Variants in ARHGAP33 observed in about 807,000 individuals in gnomAD.
ARHGAP33 encodes the protein Rho GTPase activating protein 33.
In ARHGAP33, 57 loss-of-function variants were observed where a neutral mutation model predicts 126.2. The observed-to-expected ratio is 0.45, with a 90% CI of 0.36 to 0.56. The LOEUF (loss-of-function observed/expected upper bound fraction) is 0.56. Ranked by LOEUF, ARHGAP33 falls within the 20% of genes least tolerant of loss-of-function variation. ARHGAP33 has a pLI of 0.00. For missense variants in ARHGAP33, 1,500 were observed against 1,748.3 expected, an observed-to-expected ratio of 0.86 and a Z score of 2.53; for synonymous variants, 711 against 755.0, an observed-to-expected ratio of 0.94 and a Z score of 0.95.
intron 12 of ARHGAP33, among the ~76,000 whole-genome samples, chr19:35,781,909 G>C (rs972475597): frequency 8.5e-5 from 13 of 152,154 alleles, no homozygotes; most frequent in African/African-American, 3.1e-4. Context: ...GAGGCTGAGA[G>C]GGGAGTGCTT....
chr19:35,775,990 C>CA (rs1971435262), intron 1 of ARHGAP33, among the ~76,000 whole-genome samples: 2 of 151,944 alleles, frequency 1.3e-5, no homozygotes, highest in African/African-American at 4.8e-5. Flanking sequence ...GGTCCTTCCC[C>CA]AGCTCCCATC....
chr19:35,777,252 A>G (rs760613853), intron 1 of ARHGAP33, among the ~76,000 whole-genome samples: 13 of 152,288 alleles, frequency 8.5e-5, no homozygotes, highest in Non-Finnish European at 1.5e-4. Context: ...GATCCAGGCT[A>G]TTGCGGAAAA....
chr19:35,785,173 C>A lies in ARHGAP33; in HGVS notation c.1722-16C>A. 6.3e-7 allele frequency: 1 copy of A among 1,574,930 alleles called. No individual in the cohort carries two copies. Among genetic ancestry groups the A allele is most frequent in the Non-Finnish European group, 8.6e-7 (1 of 1,156,258 alleles). The stretch of plus-strand genomic sequence containing the variant: ...TGGTTCCTCAGACGGCCTCCTGTTT[C>A]TCCCCCAAACCGCAGGAGGAAAGGG... On this transcript the variant is annotated splice_polypyrimidine_tract_variant and intron_variant, in intron 17 of 20. Transcript: ENST00000007510.
chr19:35,786,624 A>G lies in ARHGAP33; in HGVS notation c.2154A>G (p.Leu718=). ...GSPSHRTSAW[L]DDGDELDFSP... is the part of the protein sequence containing the mutation. ...CCTCACACCGTACCTCAGCCTGGCT[A>G]GATGATGGTGATGAGCTGGACTTCA... Residue 718 remains leucine (L), a synonymous_variant, in exon 20 of 21, where the codon CTA becomes CTG. Coordinates refer to ENST00000007510, the MANE Select transcript of ARHGAP33 (RefSeq NM_001366178.1). The surrounding 1 kb of genome is among the most constrained non-coding windows in gnomAD (Gnocchi z 7.0). 4.6e-6 allele frequency: 7 copies of G among 1,535,824 alleles called. No individual in the cohort carries two copies. The highest frequency in any genetic ancestry group is 6.1e-6 in the Non-Finnish European group (7 of 1,146,774).
chr19:35,784,044 C>A, intron 15 of ARHGAP33, 128 bp from the exon 16 acceptor site: 1 of 705,624 alleles, frequency 1.4e-6, no homozygotes, highest in Non-Finnish European at 2.3e-6. Flanking sequence ...CCCAGCGAGG[C>A]GTGATCAGTT....
Position 35,788,415 on chromosome 19 carries a change from C to G in ARHGAP33, c.3850C>G (p.Arg1284Gly), listed in dbSNP as rs28593619. Residue 1284 changes from arginine to glycine, a missense_variant, in exon 21 of 21, where the codon CGA (arginine) becomes GGA (glycine). This residue lies in a region of ARHGAP33 where 642 missense variants were observed against 634.0 expected (regional missense o/e 1.01). Transcript: ENST00000007510. Reference protein sequence around the residue: ...SWSLHSEGQTRSYC With the variant: ...SWSLHSEGQTGSYC ...GTCCCTCCACTCTGAGGGCCAGACC[C>G]GAAGCTACTGCTGAGCACCAGCTGG... 9.3e-5 allele frequency: 146 copies of G among 1,570,044 alleles called. 1 individual carries two copies. The highest frequency in any genetic ancestry group is 4.5e-4 in the East Asian group (19 of 42,574).
Position 35,775,618 on chromosome 19 carries a change from AG to A in ARHGAP33, c.-37del. 6.6e-7 allele frequency: 1 copy of A among 1,506,612 alleles called. No homozygotes were observed. The highest frequency in any genetic ancestry group is 2.2e-5 in the Admixed American group (1 of 45,416). The allele number at this position is 1,506,612 out of a possible 1,614,324, so 93.3% of individuals were successfully genotyped here. ...GCAGCGGCGACGAGAACGGCGAGCG[AG>A]GGGTCGAGCGCGGCCGGGGCCTGAG... is the stretch of plus-strand genomic sequence containing the variant. On this transcript the variant is annotated 5_prime_UTR_variant, in exon 1 of 21. An upstream open reading frame in the 5' UTR loses its in-frame stop. Transcript: ENST00000007510.
At chr19:35,777,981 T>G in intron 3 of ARHGAP33, 73 bp downstream of exon 3, 1 of 1,540,310 alleles carries the variant, frequency 6.5e-7, no homozygotes, top group African/African-American at 1.4e-5. Flanking sequence ...TATCAGGTGC[T>G]TTGCTTCTGA....
chr19:35,788,058 C>T lies in ARHGAP33; in HGVS notation c.3493C>T (p.Pro1165Ser). Residue 1165 changes from proline (P) to serine (S), a missense_variant, in exon 21 of 21, where the codon CCT (proline) becomes TCT (serine). Physicochemically the swap from Pro to Ser is moderately conservative, Grantham distance 74. Transcript: ENST00000007510. ...PQHPARRPTPPEPLYVNLALG... is the reference protein window; with the variant it reads ...PQHPARRPTPSEPLYVNLALG... ...GCACCCTGCTCGGCGCCCTACACCG[C>T]CTGAGCCCCTCTACGTCAACCTAGC... 6.2e-7 allele frequency: 1 copy of T among 1,611,710 alleles called. No individual in the cohort carries two copies. The highest frequency in any genetic ancestry group is 8.5e-7 in the Non-Finnish European group (1 of 1,179,216).
In ARHGAP33 at chr19:35,784,309, A is replaced by G; in HGVS notation, c.1559A>G (p.Asp520Gly). ...FSDTFTSAGL[D>G]PAGRCLLPRP... ...GACACCTTCACCTCCGCCGGCCTCG[A>G]CCCTGCAGGTATGCCCTCCCACCCC... The change falls in exon 16 of 21, where the codon GAC (aspartate) becomes GGC (glycine). Residue 520 changes from aspartate to glycine, a missense_variant. This residue lies in a region of ARHGAP33 where 300 missense variants were observed against 291.1 expected (regional missense o/e 1.03). Coordinates refer to ENST00000007510, the MANE Select transcript of ARHGAP33 (RefSeq NM_001366178.1). 1.9e-6 allele frequency: 3 copies of G among 1,577,142 alleles called. No individual in the cohort carries two copies. Among genetic ancestry groups the G allele is most frequent in the Non-Finnish European group, 2.6e-6 (3 of 1,159,914 alleles).
In ARHGAP33 at chr19:35,777,593, G is replaced by A. The variant is rs934001312; in HGVS notation, c.7-52G>A. 1.9e-5 allele frequency: 27 copies of A among 1,457,738 alleles called. 1 individual carries two copies. The highest frequency in any genetic ancestry group is 4.2e-5 in the African/African-American group (3 of 71,346). 90.3% of individuals were successfully genotyped at this position (1,457,738 alleles called of 1,614,324 possible). On this transcript the variant is annotated intron_variant, in intron 1 of 20. Coordinates refer to ENST00000007510, the MANE Select transcript of ARHGAP33 (RefSeq NM_001366178.1). ...CGCGCTGCCAGATAACAATGCTCTC[G>A]TTGTCTCTTTGCTCCCATCTCTGGG... is the stretch of plus-strand genomic sequence containing the variant.
Position 35,785,405 on chromosome 19 carries a change from G to T in ARHGAP33, c.1868-4G>T. 2 of 1,614,198 alleles carry T rather than the reference G, an allele frequency of 1.2e-6. No individual in the cohort carries two copies. The highest frequency in any genetic ancestry group is 1.7e-6 in the Non-Finnish European group (2 of 1,180,030). On this transcript the variant is annotated splice_polypyrimidine_tract_variant and splice_region_variant and intron_variant, in intron 18 of 20. Coordinates refer to ENST00000007510, the MANE Select transcript of ARHGAP33 (RefSeq NM_001366178.1). ...GTGCCCTCCTACCTCTCCCTCTCCT[G>T]CAGGCAGCAGACCCGACACCGTCAC...
intron 5 of ARHGAP33, 159 bp downstream of exon 5, chr19:35,778,760 T>G: frequency 8.8e-7 from 1 of 1,139,350 alleles, no homozygotes; most frequent in Non-Finnish European, 1.2e-6. Context: ...GTAGTAGGCT[T>G]CTGCTACATT....
chr19:35,783,076 T>C (rs982192708), intron 15 of ARHGAP33, among the ~76,000 whole-genome samples: 3 of 152,172 alleles, frequency 2.0e-5, no homozygotes, highest in Non-Finnish European at 4.4e-5. Context: ...AGATGGACCA[T>C]GAACATCAAC....
Position 35,786,348 on chromosome 19 carries a change from C to T in ARHGAP33, c.1943-65C>T. 1 of 1,469,042 alleles carries T rather than the reference C, an allele frequency of 6.8e-7. No homozygotes were observed. Among genetic ancestry groups the T allele is most frequent in the Non-Finnish European group, 9.0e-7 (1 of 1,113,686 alleles). The allele number at this position is 1,469,042 out of a possible 1,614,324, so 91.0% of individuals were successfully genotyped here. ...AGGAGGCGCCTCTTCATGTCCTTTCCCCAGCTTTCTGTGGGGCTGTGCGCC... is the reference window on the plus strand; with the variant it reads ...AGGAGGCGCCTCTTCATGTCCTTTCTCCAGCTTTCTGTGGGGCTGTGCGCC... On this transcript the variant is annotated intron_variant, in intron 19 of 20. Transcript: ENST00000007510. The surrounding 1 kb of genome is among the most constrained non-coding windows in gnomAD (Gnocchi z 7.0).
chr19:35,778,306 G>A lies in ARHGAP33; in HGVS notation c.216G>A (p.Gly72=). 6.2e-7 allele frequency: 1 copy of A among 1,614,132 alleles called. No homozygotes were observed. Residue 72 remains glycine (G), a synonymous_variant, in exon 4 of 21, where the codon GGG becomes GGA. Coordinates refer to ENST00000007510, the MANE Select transcript of ARHGAP33 (RefSeq NM_001366178.1). ...IQLLLSPDRE[G]PSLSGENELV... ...TCCTGCTGTCTCCAGACCGTGAAGGGCCCAGCCTCTCTGGAGAGAATGAGC... is the reference window on the plus strand; with the variant it reads ...TCCTGCTGTCTCCAGACCGTGAAGGACCCAGCCTCTCTGGAGAGAATGAGC...
chr19:35,782,298 G>C lies in ARHGAP33; in HGVS notation c.1086-75G>C. On this transcript the variant is annotated intron_variant, in intron 12 of 20. Transcript: ENST00000007510. This position sits in a 1 kb window ranked among gnomAD's most constrained non-coding sequence, Gnocchi z 4.1. ...TCCACCTGCGGGCACTTGGGGGTAG[G>C]GGCAAGGGGAGCATGGCCACGTGAG... The C allele has an allele frequency of 6.5e-7, 1 of 1,535,640 alleles. No homozygotes were observed.
At chr19:35,783,529 G>A (rs1341393730) in intron 15 of ARHGAP33, among the ~76,000 whole-genome samples, 2 of 152,204 alleles carry the variant, frequency 1.3e-5, no homozygotes, top group African/African-American at 2.4e-5. Flanking sequence ...GACAGGCTGA[G>A]GGAACGGCAG....
Position 35,780,630 on chromosome 19 carries a change from G to C in ARHGAP33, c.751G>C (p.Gly251Arg). 2 of 1,613,068 alleles carry C rather than the reference G, an allele frequency of 1.2e-6. No individual in the cohort carries two copies. The highest frequency in any genetic ancestry group is 1.7e-6 in the Non-Finnish European group (2 of 1,179,864). Residue 251 changes from glycine (G) to arginine (R), a missense_variant, in exon 9 of 21, where the codon GGT becomes CGT. Gly to Arg is a moderately radical substitution (Grantham distance 125). Around this residue, in one of 6 missense-constraint regions of ARHGAP33, gnomAD observed 281 missense variants for 413.7 expected, o/e 0.68. Transcript: ENST00000007510. The part of the protein sequence containing the change: ...ECVELFTERP[G>R]PGLKADADGP... ...TGTGGAACTCTTCACAGAGCGGCCAGGTCCGGGCCTGAAGGCGGGTAAGTG... is the reference window on the plus strand; with the variant it reads ...TGTGGAACTCTTCACAGAGCGGCCACGTCCGGGCCTGAAGGCGGGTAAGTG...
Sources: allele counts gnomAD v4.1 joint callset (sites outside exome capture counted in the v4.1 genomes callset), GRCh38; gene constraint gnomAD v4.1.1; regional missense constraint gnomAD v4.1.1; non-coding constraint Gnocchi (gnomAD v3.1); transcripts MANE v1.5; gene names NCBI Gene and HGNC (gene_info 2026-07-23, HGNC 2026-07-21).